ACBD6: variants seen among roughly 807,000 people sequenced by gnomAD.
The protein encoded by ACBD6 is acyl-CoA binding domain containing 6.
ACBD6 carries 28 observed loss-of-function variants against 37.2 expected under a neutral mutation model. That is an observed-to-expected ratio of 0.75 (90% CI 0.56 to 1.03). ACBD6 has a LOEUF of 1.03. Ranked by LOEUF, ACBD6 falls within the 50% of genes least tolerant of loss-of-function variation. The pLI is 0.00. For missense variants in ACBD6, 340 were observed against 337.4 expected, an observed-to-expected ratio of 1.01 and a Z score of -0.06; for synonymous variants, 113 against 126.8, an observed-to-expected ratio of 0.89 and a Z score of 0.73.
chr1:180,430,345 T>G, intron 3 of ACBD6, 83 bp from the exon 4 acceptor site: 1 of 1,219,728 alleles, frequency 8.2e-7, no homozygotes, highest in Non-Finnish European at 1.2e-6. Flanking sequence ...AATGTTATTT[T>G]GCTAAGAAAG....
chr1:180,288,403 A>C lies in ACBD6; in HGVS notation c.809T>G (p.Val270Gly). ...TGTGTGCCGCTGCAGCACCAAAGAA[A>C]CTGTTTTGCAGCCTGTCACCTCCTC... ...LPEEVTGCKT[V>G]SLVLQRHTTG... Residue 270 changes from valine to glycine, a missense_variant, in exon 8 of 8, where the codon GTT becomes GGT. By Grantham distance (109) the Val-to-Gly change is moderately radical. Transcript: ENST00000367595. The C allele has an allele frequency of 6.2e-7, 1 of 1,613,666 alleles. No homozygotes were observed. The highest frequency in any genetic ancestry group is 8.5e-7 in the Non-Finnish European group (1 of 1,179,984).
chr1:180,300,924 C>T (rs1650106295), intron 7 of ACBD6, among the ~76,000 whole-genome samples: 1 of 152,032 alleles, frequency 6.6e-6, no homozygotes, highest in Admixed American at 6.6e-5. Context: ...TAATGTCTTC[C>T]TTAAAAAGAC....
intron 5 of ACBD6, among the ~76,000 whole-genome samples, chr1:180,411,819 C>A (rs1647870926): frequency 6.6e-6 from 1 of 152,102 alleles, no homozygotes. Context: ...AGGCACCCAC[C>A]ACCACGCCTG....
At chr1:180,415,553 A>T (rs1166128494) in intron 4 of ACBD6, among the ~76,000 whole-genome samples, 1 of 152,242 alleles carries the variant, frequency 6.6e-6, no homozygotes, top group African/African-American at 2.4e-5. Flanking sequence ...TGTTACAGAA[A>T]GAACTGTGTC....
At chr1:180,488,120 TTACA>T (rs1422682050) in intron 3 of ACBD6, among the ~76,000 whole-genome samples, 2 of 152,076 alleles carry the variant, frequency 1.3e-5, no homozygotes, top group African/African-American at 4.8e-5. Flanking sequence ...TGTGTGTGTG[TTACA>T]TACATGTGTG....
intron 13 of ACBD6, among the ~76,000 whole-genome samples, chr1:180,272,408 C>T (rs543786679): frequency 6.6e-6 from 1 of 152,322 alleles, no homozygotes; most frequent in South Asian, 2.1e-4. Context: ...CCTAGAGCCA[C>T]CCCTTCCTCC....
chr1:180,294,314 A>T (rs932039192), intron 7 of ACBD6, among the ~76,000 whole-genome samples: 1 of 151,668 alleles, frequency 6.6e-6, no homozygotes, highest in South Asian at 2.1e-4. Context: ...CAAGGCAGGC[A>T]GATTGCCTGA....
chr1:180,292,139 T>C (rs1008416959), intron 7 of ACBD6, among the ~76,000 whole-genome samples: 3 of 152,186 alleles, frequency 2.0e-5, no homozygotes, highest in Non-Finnish European at 2.9e-5. Flanking sequence ...TTTTCAAAGT[T>C]GTTTTGATTA....
At chr1:180,383,189 A>G (rs1475907877) in intron 6 of ACBD6, among the ~76,000 whole-genome samples, 7 of 152,224 alleles carry the variant, frequency 4.6e-5, no homozygotes, top group African/African-American at 1.7e-4. Context: ...AGTGTTAGTG[A>G]GAGCAATTAG....
At chr1:180,297,320 C>G (rs577682093) in intron 7 of ACBD6, among the ~76,000 whole-genome samples, 1 of 152,152 alleles carries the variant, frequency 6.6e-6, no homozygotes, top group East Asian at 1.9e-4. Flanking sequence ...CAAGCTTAGG[C>G]ACCAAACTCT....
intron 4 of ACBD6, among the ~76,000 whole-genome samples, chr1:180,424,313 C>T (rs913017065): frequency 1.3e-5 from 2 of 152,166 alleles, no homozygotes; most frequent in African/African-American, 4.8e-5. Context: ...GGTTACTATA[C>T]TAGCATATAA....
At chr1:180,339,675 G>A (rs556617123) in intron 6 of ACBD6, among the ~76,000 whole-genome samples, 2 of 152,070 alleles carry the variant, frequency 1.3e-5, no homozygotes, top group Admixed American at 1.3e-4. Flanking sequence ...AAAACTTAAA[G>A]TATAATTAAA....
intron 7 of ACBD6, among the ~76,000 whole-genome samples, chr1:180,301,680 C>G (rs1024871060): frequency 6.6e-6 from 1 of 152,044 alleles, no homozygotes; most frequent in Non-Finnish European, 1.5e-5. Flanking sequence ...TATGGGCCCC[C>G]CTTGTGTTAT....
chr1:180,365,651 A>G (rs1653027144), intron 6 of ACBD6, among the ~76,000 whole-genome samples: 1 of 152,214 alleles, frequency 6.6e-6, no homozygotes, highest in Non-Finnish European at 1.5e-5. Context: ...TGGCAGCAGT[A>G]AATTTGCTTT....
At chr1:180,275,036 A>C (rs966159990) in exon 10 of ACBD6, 26 of 156,712 alleles carry the variant, frequency 1.7e-4, no homozygotes, top group African/African-American at 6.2e-4. Flanking sequence ...GTAAAATAAA[A>C]GTGATTTCTG....
At chr1:180,386,007 T>A (rs903327090) in intron 6 of ACBD6, among the ~76,000 whole-genome samples, 1 of 152,072 alleles carries the variant, frequency 6.6e-6, no homozygotes, top group African/African-American at 2.4e-5. Context: ...CTGTCTCTAC[T>A]AAAAATACAA....
At chr1:180,415,770 T>C (rs1031772332) in intron 4 of ACBD6, among the ~76,000 whole-genome samples, 1 of 152,216 alleles carries the variant, frequency 6.6e-6, no homozygotes, top group African/African-American at 2.4e-5. Flanking sequence ...CAAATGTGCA[T>C]GTATACCGTT....
chr1:180,419,013 A>G (rs1409104701), intron 4 of ACBD6, among the ~76,000 whole-genome samples: 2 of 152,248 alleles, frequency 1.3e-5, no homozygotes, highest in Non-Finnish European at 2.9e-5. Flanking sequence ...GCACTTCGGG[A>G]GGCCGAGGCG....
intron 6 of ACBD6, among the ~76,000 whole-genome samples, chr1:180,323,693 T>A (rs1027442318): frequency 6.6e-6 from 1 of 152,132 alleles, no homozygotes; most frequent in African/African-American, 2.4e-5. Flanking sequence ...GAAATCTATT[T>A]TGTCTGATAT....
Sources: gnomAD v4.1 joint callset for allele counts (sites outside exome capture counted in the v4.1 genomes callset) on GRCh38, gnomAD v4.1.1 for gene constraint, MANE v1.5 for transcripts, NCBI Gene and HGNC (gene_info 2026-07-23, HGNC 2026-07-21) for gene names.